Variants in CADM1 observed in about 807,000 individuals in gnomAD.
CADM1 encodes the protein TSLC-1.
Under a neutral mutation model 53.1 loss-of-function variants are expected in CADM1, and 15 were observed. The ratio of observed to expected loss-of-function variants is 0.28; its 90% CI spans 0.19 to 0.44. CADM1 has a LOEUF of 0.44. Among genes scored for constraint, CADM1 ranks in the 20% least tolerant of loss-of-function variants. CADM1 has a pLI of 1.00. For missense variants in CADM1, 434 were observed against 611.3 expected, an observed-to-expected ratio of 0.71 and a Z score of 3.06; for synonymous variants, 281 against 243.0, an observed-to-expected ratio of 1.16 and a Z score of -1.45.
chr11:115,503,837 C>G lies in CADM1; in HGVS notation c.124+434G>C, dbSNP rs572673604. On this transcript the variant is annotated intron_variant, in intron 1 of 11. Transcript: ENST00000331581. ...CTTCGGGGATGGAGAACTGGGGGGG[C>G]CCTCTGGAGAGGTGGGGGCGAATGG... 2.2e-3 allele frequency among the ~76,000 whole-genome samples: 333 copies of G among 152,052 alleles called. 1 individual carries two copies. Among genetic ancestry groups the G allele is most frequent in the African/African-American group, 7.7e-3 (321 of 41,514 alleles).
intron 1 of CADM1, among the ~76,000 whole-genome samples, chr11:115,400,659 G>GTGTATA: frequency 2.6e-5 from 1 of 38,674 alleles, no homozygotes; most frequent in South Asian, 9.0e-4. Flanking sequence ...GTGTGTGTGT[G>GTGTATA]TGTATATATA....
intron 2 of CADM1, among the ~76,000 whole-genome samples, chr11:115,239,996 G>T (rs563456265): frequency 6.6e-6 from 1 of 152,172 alleles, no homozygotes; most frequent in East Asian, 1.9e-4. Flanking sequence ...TGAGTTGTTT[G>T]TGTCAGCTAA....
chr11:115,286,577 ATATTT>A (rs1184685299), intron 1 of CADM1, among the ~76,000 whole-genome samples: 1 of 152,232 alleles, frequency 6.6e-6, no homozygotes, highest in Non-Finnish European at 1.5e-5. Flanking sequence ...AACCTCAGTA[ATATTT>A]TAATTTACAA....
At chr11:115,465,630 C>T (rs1032736546) in intron 1 of CADM1, among the ~76,000 whole-genome samples, 2 of 152,078 alleles carry the variant, frequency 1.3e-5, no homozygotes, top group South Asian at 2.1e-4. Flanking sequence ...GACAAGAAAA[C>T]GAAGGTTCAG....
At chr11:115,370,244 T>A (rs1946276640) in intron 1 of CADM1, among the ~76,000 whole-genome samples, 1 of 152,132 alleles carries the variant, frequency 6.6e-6, no homozygotes, top group South Asian at 2.1e-4. Context: ...TCAGAGCAGA[T>A]GTATGGCTCT....
intron 1 of CADM1, among the ~76,000 whole-genome samples, chr11:115,429,571 G>A (rs1312606401): frequency 2.0e-5 from 3 of 149,042 alleles, no homozygotes; most frequent in Non-Finnish European, 4.4e-5. Context: ...TTGCGCTCCA[G>A]CCTGGGCACA....
chr11:115,495,838 C>T (rs1387504138), intron 1 of CADM1, among the ~76,000 whole-genome samples: 1 of 152,122 alleles, frequency 6.6e-6, no homozygotes, highest in Admixed American at 6.5e-5. Flanking sequence ...TAACTACACG[C>T]ACCAGACACA....
intron 1 of CADM1, among the ~76,000 whole-genome samples, chr11:115,272,751 G>A (rs911934126): frequency 1.6e-5 from 2 of 127,036 alleles, no homozygotes; most frequent in African/African-American, 3.0e-5. Flanking sequence ...GACTGTTGTG[G>A]GGTGGGGGGA....
chr11:115,294,283 C>T (rs535915828), intron 1 of CADM1, among the ~76,000 whole-genome samples: 2 of 152,294 alleles, frequency 1.3e-5, no homozygotes, highest in South Asian at 2.1e-4. Context: ...CTGAGAAACA[C>T]AGCCTGTTCT....
intron 1 of CADM1, among the ~76,000 whole-genome samples, chr11:115,484,173 C>G (rs1949318030): frequency 6.6e-6 from 1 of 152,218 alleles, no homozygotes; most frequent in African/African-American, 2.4e-5. Context: ...AAAAGGCTCC[C>G]ACACATCAAT....
Position 115,431,906 on chromosome 11 carries a change from A to T in CADM1, c.124+72365T>A, listed in dbSNP as rs1030001188. On this transcript the variant is annotated intron_variant, in intron 1 of 11. Transcript: ENST00000331581. ...ATTTGTGTGACTGTTTGGTTAATAA[A>T]TATTATACCATATATATATATAAAA... Among the ~76,000 whole-genome samples the T allele has an allele frequency of 2.0e-5, 3 of 151,060 alleles. No individual in the cohort carries two copies. In the Admixed American group the frequency reaches 2.0e-4, roughly 10 times the overall value.
chr11:115,257,776 CT>C (rs1189115540), intron 1 of CADM1, among the ~76,000 whole-genome samples: 5 of 152,170 alleles, frequency 3.3e-5, no homozygotes, highest in Non-Finnish European at 5.9e-5. Flanking sequence ...CCAGGCCACC[CT>C]TTTAAGGGTG....
chr11:115,452,097 C>T (rs750263210), intron 1 of CADM1, among the ~76,000 whole-genome samples: 6 of 124,174 alleles, frequency 4.8e-5, no homozygotes, highest in Non-Finnish European at 7.9e-5. Flanking sequence ...ACTATCTTGA[C>T]CACGTTAATT....
At chr11:115,246,540 T>A (rs1423461621) in intron 1 of CADM1, among the ~76,000 whole-genome samples, 1 of 152,122 alleles carries the variant, frequency 6.6e-6, no homozygotes, top group Admixed American at 6.5e-5. Context: ...GGAGATCAAC[T>A]CTCTCACTTT....
At chr11:115,494,134 T>TGA (rs576229222) in intron 1 of CADM1, among the ~76,000 whole-genome samples, 6 of 151,838 alleles carry the variant, frequency 4.0e-5, no homozygotes, top group East Asian at 1.9e-4. Flanking sequence ...TATACATTAT[T>TGA]GAGAGAGAGA....
intron 1 of CADM1, among the ~76,000 whole-genome samples, chr11:115,376,668 T>C (rs1343057212): frequency 6.6e-6 from 1 of 152,184 alleles, no homozygotes; most frequent in Non-Finnish European, 1.5e-5. Flanking sequence ...AACCACTGAT[T>C]GAGAGAATCG....
At chr11:115,295,537 TA>T (rs57312800) in intron 1 of CADM1, among the ~76,000 whole-genome samples, 7,508 of 87,478 alleles carry the variant, frequency 0.086, 744 homozygotes, top group African/African-American at 0.28. Flanking sequence ...TATATATATA[TA>T]TATATATATA....
At chr11:115,226,219 C>T (rs1422162035) in intron 5 of CADM1, among the ~76,000 whole-genome samples, 2 of 152,120 alleles carry the variant, frequency 1.3e-5, no homozygotes, top group African/African-American at 2.4e-5. Flanking sequence ...GATATTTTTA[C>T]ATAGGCCCTG....
At chr11:115,359,834 T>C (rs556291175) in intron 1 of CADM1, among the ~76,000 whole-genome samples, 1 of 152,340 alleles carries the variant, frequency 6.6e-6, no homozygotes, top group Non-Finnish European at 1.5e-5. Context: ...TAGGGTTAAG[T>C]TTGAGACCTA....
Sources: allele counts gnomAD v4.1 joint callset (sites outside exome capture counted in the v4.1 genomes callset), GRCh38; gene constraint gnomAD v4.1.1; transcripts MANE v1.5; gene names NCBI Gene and HGNC (gene_info 2026-07-23, HGNC 2026-07-21).